The following USP42 variants were observed in gnomAD, a reference collection of about 807,000 sequenced individuals.
USP42 encodes ubiquitin carboxyl-terminal hydrolase 42.
A neutral mutation model predicts 113.0 loss-of-function variants in USP42; 23 were observed. That is an observed-to-expected ratio of 0.20 (90% confidence interval 0.15 to 0.29). The LOEUF is 0.29. Among genes scored for constraint, USP42 ranks in the 10% least tolerant of loss-of-function variants. The pLI is 1.00. For missense variants in USP42, 2,174 were observed against 1,779.8 expected, an observed-to-expected ratio of 1.22 and a Z score of -3.99; for synonymous variants, 933 against 699.0, an observed-to-expected ratio of 1.33 and a Z score of -5.28.
intron 3 of USP42, among the ~76,000 whole-genome samples, chr7:6,129,510 T>C (rs1410577500): frequency 6.7e-6 from 1 of 150,148 alleles, no homozygotes; most frequent in Non-Finnish European, 1.5e-5. Context: ...TGAGCCAAGA[T>C]TGTGCTACTG....
At chr7:6,095,857 G>C in the USP42 span, among the ~76,000 whole-genome samples, 1 of 150,936 alleles carries the variant, frequency 6.6e-6, no homozygotes, top group African/African-American at 2.5e-5. Context: ...ACACCTCCCA[G>C]GCTCAAGCAA....
the USP42 span, among the ~76,000 whole-genome samples, chr7:6,082,746 G>T: frequency 6.7e-6 from 1 of 148,414 alleles, no homozygotes; most frequent in East Asian, 2.0e-4. Context: ...TAGTAGCTGG[G>T]ACCACAGGTG....
At chr7:6,094,800 C>T in the USP42 span, among the ~76,000 whole-genome samples, 1 of 148,304 alleles carries the variant, frequency 6.7e-6, no homozygotes. Flanking sequence ...TCCACTTGTT[C>T]CACTTGGCTT....
the USP42 span, among the ~76,000 whole-genome samples, chr7:6,099,050 A>G: frequency 1.4e-4 from 21 of 149,690 alleles, no homozygotes; most frequent in South Asian, 2.9e-3. Flanking sequence ...TGAAAATTCA[A>G]CCTTTTCTAA....
In USP42 at chr7:6,157,691, A is replaced by C. The variant is rs772820302; in HGVS notation, c.3943+636A>C. 3.2e-4 allele frequency among the ~76,000 whole-genome samples: 48 copies of C among 152,176 alleles called. No individual in the cohort carries two copies. The highest frequency in any genetic ancestry group is 1.0e-4 in the Non-Finnish European group (7 of 68,036). ...TATACGTTACTCTCCCGAATCCTTA[A>C]ACCTGTAGCATTCTGAGTGCACCCT... On this transcript the variant is annotated intron_variant, in intron 16 of 17. Transcript: ENST00000306177. The surrounding 1 kb of genome is among the most constrained non-coding windows in gnomAD (Gnocchi z 4.1).
chr7:6,091,974 A>ATTT, the USP42 span, among the ~76,000 whole-genome samples: 14 of 108,552 alleles, frequency 1.3e-4, 1 homozygote, highest in African/African-American at 2.4e-4. Context: ...TCAAGGACGT[A>ATTT]TTTTTTCTTC....
At chr7:6,090,094 G>C in the USP42 span, among the ~76,000 whole-genome samples, 3 of 147,432 alleles carry the variant, frequency 2.0e-5, no homozygotes, top group African/African-American at 7.7e-5. Flanking sequence ...GAGATCGGGA[G>C]TTCGAGACCA....
At chr7:6,144,272 T>A in intron 9 of USP42, 76 bp downstream of exon 9, 3 of 970,122 alleles carry the variant, frequency 3.1e-6, no homozygotes, top group Non-Finnish European at 3.0e-6. Context: ...TATTAAGGAT[T>A]AAGGACTCGA....
intron 3 of USP42, among the ~76,000 whole-genome samples, chr7:6,134,050 C>G (rs1190584602): frequency 6.6e-6 from 1 of 151,952 alleles, no homozygotes; most frequent in East Asian, 1.9e-4. Flanking sequence ...ACCACCACGC[C>G]CAGCTAATTT....
the USP42 span, among the ~76,000 whole-genome samples, chr7:6,097,162 T>G: frequency 1.3e-5 from 2 of 151,198 alleles, no homozygotes; most frequent in African/African-American, 4.9e-5. Context: ...TTATTAGCCC[T>G]GGCTTATACA....
At position 6,154,519 on chromosome 7, in the gene USP42, G is replaced by C. The variant is rs778515548; in HGVS notation, c.2965G>C (p.Asp989His). 27 of 1,540,062 alleles carry C rather than the reference G, an allele frequency of 1.8e-5. No homozygotes were observed. In the African/African-American group the frequency reaches 3.3e-4, roughly 19 times the overall value. The change falls in exon 15 of 18, where the codon GAC becomes CAC. Residue 989 changes from aspartate to histidine, a missense_variant. Physicochemically the swap from Asp to His is moderately conservative, Grantham distance 81. Coordinates refer to ENST00000306177, the MANE Select transcript of USP42 (RefSeq NM_032172.3). ...GCGCCGCACCTGCCCCCGGGAGCGC[G>C]ACCGCCAGGACCGCCACGCCCCGGA... is the stretch of plus-strand genomic sequence containing the variant. ...RRRRTCPRER[D>H]RQDRHAPEHH... is the part of the protein sequence containing the mutation.
intron 3 of USP42, among the ~76,000 whole-genome samples, chr7:6,124,848 G>T (rs1780438789): frequency 6.6e-6 from 1 of 151,220 alleles, no homozygotes; most frequent in Non-Finnish European, 1.5e-5. Context: ...GGTTACTTTA[G>T]GTTATATCTT....
At chr7:6,103,668 A>C (rs1790210460), upstream of USP42, among the ~76,000 whole-genome samples, 1 of 135,848 alleles carries the variant, frequency 7.4e-6, no homozygotes, top group Admixed American at 8.0e-5. Context: ...TGGGAGGCTG[A>C]GGTGGGACAA....
intron 3 of USP42, among the ~76,000 whole-genome samples, chr7:6,121,256 C>G (rs906079739): frequency 4.6e-5 from 7 of 151,974 alleles, no homozygotes; most frequent in African/African-American, 1.7e-4. Context: ...AGTCTTTTAC[C>G]ATTAAGTATG....
chr7:6,093,008 A>G, the USP42 span: 2 of 150,678 alleles, frequency 1.3e-5, no homozygotes, highest in Non-Finnish European at 2.9e-5. Context: ...ATTTACATCT[A>G]GTGTGTCTGT....
chr7:6,123,932 C>T (rs1385294808), intron 3 of USP42, among the ~76,000 whole-genome samples: 2 of 150,822 alleles, frequency 1.3e-5, no homozygotes, highest in African/African-American at 4.9e-5. Flanking sequence ...CTGGAGTGCA[C>T]TGGCATGATC....
the USP42 span, among the ~76,000 whole-genome samples, chr7:6,090,956 G>T: frequency 1.3e-5 from 2 of 150,424 alleles, no homozygotes; most frequent in African/African-American, 2.5e-5. Flanking sequence ...GGAAGAATTT[G>T]TTAGGGATCA....
At chr7:6,127,622 G>A (rs764772978) in intron 3 of USP42, among the ~76,000 whole-genome samples, 2 of 151,910 alleles carry the variant, frequency 1.3e-5, no homozygotes, top group South Asian at 4.2e-4. Context: ...TTTCTGTTCT[G>A]TTGTGATGAT....
Position 6,140,242 on chromosome 7 carries a change from A to T in USP42, c.724+47A>T, listed in dbSNP as rs746090816. The T allele has an allele frequency of 1.2e-4, 179 of 1,533,010 alleles. No homozygotes were observed. The Admixed American group carries it at 3.0e-3, about 26-fold the overall frequency. 95.0% of individuals were successfully genotyped at this position (1,533,010 alleles called of 1,614,324 possible). On this transcript the variant is annotated intron_variant, in intron 6 of 17. Transcript: ENST00000306177. ...GATAAAATGATACACACATGTGGTT[A>T]AAAAATGGTAATAGTAGGACAGGGT...
Sources: allele counts gnomAD v4.1 joint callset (sites outside exome capture counted in the v4.1 genomes callset), GRCh38; gene constraint gnomAD v4.1.1; non-coding constraint Gnocchi (gnomAD v3.1); transcripts MANE v1.5; gene names NCBI Gene and HGNC (gene_info 2026-07-23, HGNC 2026-07-21).